The following RABGAP1L variants were observed in gnomAD, a reference collection of about 807,000 sequenced individuals.
The protein encoded by RABGAP1L is RAB GTPase activating protein 1 like.
Under a neutral mutation model 137.7 loss-of-function variants are expected in RABGAP1L, and 63 were observed. That is an observed-to-expected ratio of 0.46 (90% confidence interval 0.37 to 0.56). The LOEUF is 0.56. Ranked by LOEUF, RABGAP1L falls within the 20% of genes least tolerant of loss-of-function variation. The pLI, the probability that RABGAP1L is intolerant of heterozygous loss-of-function variation, is 0.00. For missense variants in RABGAP1L, 1,095 were observed against 1,244.0 expected, an observed-to-expected ratio of 0.88 and a Z score of 1.80; for synonymous variants, 431 against 433.7, an observed-to-expected ratio of 0.99 and a Z score of 0.08.
intron 13 of RABGAP1L, among the ~76,000 whole-genome samples, chr1:174,499,844 G>C (rs904942084): frequency 1.3e-5 from 2 of 152,012 alleles, no homozygotes; most frequent in Admixed American, 6.6e-5. Context: ...TTCTCTCTCT[G>C]TTTTCAATTT....
intron 19 of RABGAP1L, among the ~76,000 whole-genome samples, chr1:174,924,494 AATGGCATTT>A (rs1163738942): frequency 2.6e-5 from 4 of 152,242 alleles, no homozygotes; most frequent in African/African-American, 7.2e-5. Flanking sequence ...TCATGAAATA[AATGGCATTT>A]ATGGAGAACT....
chr1:174,226,426 G>A (rs540259180), intron 3 of RABGAP1L, among the ~76,000 whole-genome samples: 8 of 152,286 alleles, frequency 5.3e-5, no homozygotes, highest in East Asian at 1.9e-4. Context: ...TCCTCCGGTC[G>A]TTGCTTTTTA....
intron 12 of RABGAP1L, among the ~76,000 whole-genome samples, chr1:174,373,626 A>C (rs1014475589): frequency 6.6e-6 from 1 of 152,198 alleles, no homozygotes; most frequent in Non-Finnish European, 1.5e-5. Context: ...CAGATCTTGG[A>C]GCAGGTGGGG....
intron 13 of RABGAP1L, among the ~76,000 whole-genome samples, chr1:174,611,950 T>C (rs1671292073): frequency 6.6e-6 from 1 of 152,226 alleles, no homozygotes; most frequent in East Asian, 1.9e-4. Context: ...CTTAAGGAGA[T>C]TTTGGGCTGA....
chr1:174,649,180 C>A (rs1033895950), intron 14 of RABGAP1L, among the ~76,000 whole-genome samples: 1 of 151,918 alleles, frequency 6.6e-6, no homozygotes, highest in Non-Finnish European at 1.5e-5. Context: ...TCTTTTAATT[C>A]GGGCATTTAG....
Position 174,371,016 on chromosome 1 carries a change from G to T in RABGAP1L, c.1503G>T (p.Val501=), listed in dbSNP as rs2148999400. Residue 501 remains valine, a synonymous_variant, in exon 12 of 26, where the codon GTG becomes GTT. Coordinates refer to ENST00000681986, the MANE Select transcript of RABGAP1L (RefSeq NM_001366446.1). ...AACTCTCAAGTGGAACAGGTGATGT[G>T]TCTAAGGATTGTCCTGAGAAGATCC... ...DNELSSGTGD[V]SKDCPEKILY... 1.3e-6 allele frequency: 2 copies of T among 1,506,960 alleles called. No homozygotes were observed. The highest frequency in any genetic ancestry group is 3.5e-4 in the Middle Eastern group (2 of 5,648). The allele number at this position is 1,506,960 out of a possible 1,614,324, so 93.3% of individuals were successfully genotyped here.
At chr1:174,168,238 C>T (rs1054354956) in intron 1 of RABGAP1L, among the ~76,000 whole-genome samples, 3 of 130,934 alleles carry the variant, frequency 2.3e-5, no homozygotes, top group African/African-American at 8.8e-5. Flanking sequence ...GCACTCCAGC[C>T]TGAGCTACAG....
intron 13 of RABGAP1L, among the ~76,000 whole-genome samples, chr1:174,517,987 ATTTGTC>A (rs1355570531): frequency 2.6e-5 from 4 of 152,194 alleles, no homozygotes; most frequent in Non-Finnish European, 4.4e-5. Context: ...AGGTTAAATC[ATTTGTC>A]TTTGTCTTGA....
At chr1:174,672,536 C>A (rs941732683) in intron 14 of RABGAP1L, among the ~76,000 whole-genome samples, 5 of 151,614 alleles carry the variant, frequency 3.3e-5, no homozygotes, top group African/African-American at 4.8e-5. Context: ...TTTTCTAATT[C>A]TTTGAGATCC....
intron 18 of RABGAP1L, among the ~76,000 whole-genome samples, chr1:174,796,993 C>A (rs553433549): frequency 2.5e-5 from 3 of 121,776 alleles, no homozygotes; most frequent in Non-Finnish European, 5.0e-5. Context: ...GGCAACAGAG[C>A]GAGACTCTGT....
intron 10 of RABGAP1L, among the ~76,000 whole-genome samples, chr1:174,279,460 T>C (rs1276054240): frequency 6.6e-6 from 1 of 152,150 alleles, no homozygotes; most frequent in Non-Finnish European, 1.5e-5. Flanking sequence ...GTTAGTACTT[T>C]CATTCTCCCA....
At chr1:174,242,202 A>G (rs922490756) in intron 5 of RABGAP1L, among the ~76,000 whole-genome samples, 1 of 152,270 alleles carries the variant, frequency 6.6e-6, no homozygotes, top group African/African-American at 2.4e-5. Context: ...TAAAGCAGGT[A>G]TAACAACTTG....
At chr1:174,612,019 C>A (rs1671300311) in intron 13 of RABGAP1L, among the ~76,000 whole-genome samples, 1 of 152,188 alleles carries the variant, frequency 6.6e-6, no homozygotes, top group African/African-American at 2.4e-5. Context: ...AATTTGATTT[C>A]CTCTTTTCCT....
At chr1:174,925,889 G>GTT (rs376200965) in intron 19 of RABGAP1L, among the ~76,000 whole-genome samples, 27 of 108,078 alleles carry the variant, frequency 2.5e-4, no homozygotes, top group East Asian at 3.3e-4. Flanking sequence ...TTTTTTTTGT[G>GTT]TTTTTTTTTT....
chr1:174,712,009 T>C (rs1441474094), intron 17 of RABGAP1L, among the ~76,000 whole-genome samples: 1 of 152,200 alleles, frequency 6.6e-6, no homozygotes. Flanking sequence ...CTTGGAGAAC[T>C]TTTGTGTCTA....
chr1:174,661,855 T>G (rs1161017343), intron 14 of RABGAP1L, among the ~76,000 whole-genome samples: 2 of 152,204 alleles, frequency 1.3e-5, no homozygotes, highest in Non-Finnish European at 2.9e-5. Context: ...ATTACTCACC[T>G]ATTTGTGTTG....
intron 18 of RABGAP1L, among the ~76,000 whole-genome samples, chr1:174,785,350 C>T (rs1200478686): frequency 1.3e-5 from 2 of 152,226 alleles, no homozygotes; most frequent in Admixed American, 6.5e-5. Context: ...AGGCGTGAGC[C>T]ACTGCACTCA....
intron 13 of RABGAP1L, among the ~76,000 whole-genome samples, chr1:174,501,939 G>C (rs1661315859): frequency 6.6e-6 from 1 of 151,220 alleles, no homozygotes; most frequent in Non-Finnish European, 1.5e-5. Context: ...TATAAATAGA[G>C]CTGACCTAGG....
intron 11 of RABGAP1L, among the ~76,000 whole-genome samples, chr1:174,345,145 A>C (rs1330175139): frequency 1.3e-5 from 2 of 152,086 alleles, no homozygotes; most frequent in African/African-American, 4.8e-5. Flanking sequence ...ATTGGTCTAC[A>C]TGTCTTTTAT....
Sources: gnomAD v4.1 joint callset for allele counts (sites outside exome capture counted in the v4.1 genomes callset) on GRCh38, gnomAD v4.1.1 for gene constraint, MANE v1.5 for transcripts, NCBI Gene and HGNC (gene_info 2026-07-23, HGNC 2026-07-21) for gene names.